The following PPME1 variants were observed in gnomAD, a reference collection of about 807,000 sequenced individuals.
The protein encoded by PPME1 is testicular secretory protein Li 39.
Under a neutral mutation model 56.9 loss-of-function variants are expected in PPME1, and 17 were observed. That is an observed-to-expected ratio of 0.30 (90% confidence interval 0.20 to 0.45). The LOEUF (loss-of-function observed/expected upper bound fraction) is 0.45, where lower values mean the gene tolerates loss of function less well. Among genes scored for constraint, PPME1 ranks in the 20% least tolerant of loss-of-function variants. The pLI, the probability that PPME1 is intolerant of heterozygous loss-of-function variation, is 1.00. For missense variants in PPME1, 357 were observed against 483.2 expected, an observed-to-expected ratio of 0.74 and a Z score of 2.45; for synonymous variants, 122 against 156.2, an observed-to-expected ratio of 0.78 and a Z score of 1.63.
chr11:74,206,587 A>C (rs1468139320), intron 3 of PPME1, among the ~76,000 whole-genome samples: 1 of 152,202 alleles, frequency 6.6e-6, no homozygotes, highest in African/African-American at 2.4e-5. Context: ...TGTATTTTTA[A>C]GACAGGATCT....
intron 1 of PPME1, among the ~76,000 whole-genome samples, chr11:74,184,689 G>A (rs1174281875): frequency 6.6e-6 from 1 of 152,164 alleles, no homozygotes; most frequent in Non-Finnish European, 1.5e-5. Context: ...GACTGGGTGT[G>A]CCGTTTATGA....
intron 3 of PPME1, among the ~76,000 whole-genome samples, chr11:74,213,301 C>T (rs1357662388): frequency 6.6e-6 from 1 of 152,194 alleles, no homozygotes; most frequent in Non-Finnish European, 1.5e-5. Context: ...ACTTGGATGC[C>T]AGCTCAGCTG....
intron 5 of PPME1, among the ~76,000 whole-genome samples, chr11:74,227,345 A>T (rs970228008): frequency 1.3e-5 from 2 of 151,866 alleles, no homozygotes; most frequent in East Asian, 3.9e-4. Flanking sequence ...GCACCAAAAA[A>T]ATTTTTTAAT....
intron 1 of PPME1, among the ~76,000 whole-genome samples, chr11:74,187,173 A>G (rs1857707033): frequency 6.6e-6 from 1 of 152,212 alleles, no homozygotes; most frequent in Non-Finnish European, 1.5e-5. Context: ...AAGTTTCGAA[A>G]TCAGGAAGTA....
At chr11:74,232,759 A>C (rs998646844) in intron 7 of PPME1, among the ~76,000 whole-genome samples, 5 of 149,140 alleles carry the variant, frequency 3.4e-5, no homozygotes, top group South Asian at 4.2e-4. Flanking sequence ...CTCTCACCGC[A>C]GCCTTGACCT....
In PPME1 at chr11:74,246,159, C is replaced by T. The variant is rs1859497565; in HGVS notation, c.918C>T (p.Ser306=). 6.4e-7 allele frequency: 1 copy of T among 1,552,998 alleles called. No individual in the cohort carries two copies. Among genetic ancestry groups the T allele is most frequent in the African/African-American group, 1.4e-5 (1 of 73,114 alleles). ...GGGACGGCTGGTTCCGAGGCTTATC[C>T]AATCTCTTTCTTAGTTGTCCCATTC... ...KYWDGWFRGL[S]NLFLSCPIPK... Residue 306 remains serine (S), a synonymous_variant, in exon 10 of 14, where the codon TCC becomes TCT. Coordinates refer to ENST00000328257, the MANE Select transcript of PPME1 (RefSeq NM_016147.3).
chr11:74,181,238 C>CG (rs1466575910), intron 1 of PPME1, among the ~76,000 whole-genome samples: 1 of 150,550 alleles, frequency 6.6e-6, no homozygotes, highest in Non-Finnish European at 1.5e-5. Context: ...TTAGTAGAGA[C>CG]GGGGTTTCAC....
chr11:74,224,734 G>T (rs1341444562), intron 4 of PPME1, among the ~76,000 whole-genome samples: 1 of 150,280 alleles, frequency 6.7e-6, no homozygotes, highest in African/African-American at 2.5e-5. Context: ...CTCATGATTT[G>T]GTTCTCTGTT....
At chr11:74,199,123 A>T (rs189576229) in intron 1 of PPME1, among the ~76,000 whole-genome samples, 5 of 152,186 alleles carry the variant, frequency 3.3e-5, no homozygotes, top group African/African-American at 1.2e-4. Flanking sequence ...GAAATGTCTT[A>T]TCCCTCTCTC....
rs183787424 is a variant in PPME1, at chr11:74,201,267, G to A, written c.102-2461G>A. Among the ~76,000 whole-genome samples, 245 of 152,230 alleles carry A rather than the reference G, an allele frequency of 1.6e-3. 1 individual carries two copies. In the East Asian group the frequency reaches 0.037, roughly 23 times the overall value. On this transcript the variant is annotated intron_variant, in intron 1 of 13. Transcript: ENST00000328257. The stretch of plus-strand genomic sequence containing the variant: ...TGGGATTACAGGCGTGAGCCACCGC[G>A]CCCGGCTACAGGCCTTTTTTGTTTT...
chr11:74,230,612 A>G lies in PPME1; in HGVS notation c.553+213A>G, dbSNP rs1007899627. 1.3e-5 allele frequency among the ~76,000 whole-genome samples: 2 copies of G among 152,164 alleles called. No individual in the cohort carries two copies. Among genetic ancestry groups the G allele is most frequent in the East Asian group, 1.9e-4 (1 of 5,200 alleles). The stretch of plus-strand genomic sequence containing the variant: ...CTTTTTATGGCTGCATAATATTTCA[A>G]TCCTATGTATGTCCCATAATTGTAT... On this transcript the variant is annotated intron_variant, in intron 6 of 13. Transcript: ENST00000328257. The surrounding 1 kb of genome is among the most constrained non-coding windows in gnomAD (Gnocchi z 4.9).
At chr11:74,247,317 G>A (rs1859528796) in intron 11 of PPME1, among the ~76,000 whole-genome samples, 194 bp downstream of exon 11, 1 of 151,560 alleles carries the variant, frequency 6.6e-6, no homozygotes, top group Non-Finnish European at 1.5e-5. Context: ...GCTTTAATTT[G>A]TTTAAAAAAA....
At chr11:74,208,458 C>G (rs911667768) in intron 3 of PPME1, among the ~76,000 whole-genome samples, 3 of 151,992 alleles carry the variant, frequency 2.0e-5, no homozygotes, top group Admixed American at 6.5e-5. Flanking sequence ...CCTGTTCTTA[C>G]GATGTTTAAA....
At chr11:74,226,644 A>C (rs1328856226) in intron 5 of PPME1, among the ~76,000 whole-genome samples, 1 of 152,168 alleles carries the variant, frequency 6.6e-6, no homozygotes, top group Non-Finnish European at 1.5e-5. Context: ...GTGTCCAGGC[A>C]GTCAGACAAA....
chr11:74,238,789 G>A (rs1859265580), intron 8 of PPME1: 1 of 163,188 alleles, frequency 6.1e-6, no homozygotes, highest in Non-Finnish European at 1.3e-5. Context: ...CCACTTATGA[G>A]TTAGGTGATG....
intron 1 of PPME1, among the ~76,000 whole-genome samples, chr11:74,199,307 T>C (rs906777530): frequency 2.0e-5 from 3 of 152,248 alleles, no homozygotes; most frequent in African/African-American, 7.2e-5. Flanking sequence ...TAACTCTTTG[T>C]ACATTTTGTT....
intron 7 of PPME1, among the ~76,000 whole-genome samples, chr11:74,233,855 C>CT (rs1285271220): frequency 6.6e-6 from 1 of 152,076 alleles, no homozygotes; most frequent in Non-Finnish European, 1.5e-5. Context: ...GAAACCTGGG[C>CT]TTTGAGGTCA....
intron 7 of PPME1, among the ~76,000 whole-genome samples, chr11:74,233,969 A>T (rs975595816): frequency 6.6e-6 from 1 of 152,236 alleles, no homozygotes; most frequent in African/African-American, 2.4e-5. Context: ...GGAGACTGTT[A>T]TAGTAAAGGA....
At chr11:74,223,049 G>A (rs999468696) in intron 4 of PPME1, among the ~76,000 whole-genome samples, 6 of 151,104 alleles carry the variant, frequency 4.0e-5, no homozygotes, top group South Asian at 2.1e-4. Flanking sequence ...CCACCAACTC[G>A]TCATCTAGCA....
Sources: gnomAD v4.1 joint callset for allele counts (sites outside exome capture counted in the v4.1 genomes callset) on GRCh38, gnomAD v4.1.1 for gene constraint, Gnocchi (gnomAD v3.1) non-coding constraint, MANE v1.5 for transcripts, NCBI Gene and HGNC (gene_info 2026-07-23, HGNC 2026-07-21) for gene names.